The following PLXDC2 variants were observed in gnomAD, a reference collection of about 807,000 sequenced individuals.
PLXDC2 encodes the protein plexin domain containing 2.
In PLXDC2, 40 loss-of-function variants were observed where a neutral mutation model predicts 68.9. The observed-to-expected ratio is 0.58, with a 90% CI of 0.45 to 0.76. The LOEUF (loss-of-function observed/expected upper bound fraction) is 0.76, where lower values mean the gene tolerates loss of function less well. Among genes scored for constraint, PLXDC2 ranks in the 30% least tolerant of loss-of-function variants. The pLI, the probability that PLXDC2 is intolerant of heterozygous loss-of-function variation, is 0.00. For synonymous variants in PLXDC2, 243 were observed against 234.2 expected (o/e 1.04, Z -0.34); for missense variants, 644 against 661.9 (o/e 0.97, Z 0.30).
chr10:20,260,860 A>G (rs1835801012), intron 13 of PLXDC2, among the ~76,000 whole-genome samples: 2 of 152,206 alleles, frequency 1.3e-5, no homozygotes, highest in Non-Finnish European at 2.9e-5. Context: ...AACACTTGTT[A>G]TCTCTTGTCT....
At chr10:20,090,471 C>A (rs1460564960) in intron 4 of PLXDC2, among the ~76,000 whole-genome samples, 1 of 151,956 alleles carries the variant, frequency 6.6e-6, no homozygotes, top group Non-Finnish European at 1.5e-5. Context: ...TTTTTTTACC[C>A]CCATGCCCTG....
chr10:19,872,062 C>G (rs147345576), intron 1 of PLXDC2, among the ~76,000 whole-genome samples: 233 of 152,188 alleles, frequency 1.5e-3, no homozygotes, highest in Middle Eastern at 3.4e-3. Flanking sequence ...ATGAAAGGCA[C>G]CTTTTCAGGG....
In PLXDC2 at chr10:20,284,992, CCAT is replaced by C. The variant is rs1836133431; in HGVS notation, c.*5175_*5177del. 6.6e-6 allele frequency: 1 copy of C among 152,110 alleles called. No homozygotes were observed. Among genetic ancestry groups the C allele is most frequent in the African/African-American group, 2.4e-5 (1 of 41,416 alleles). The allele number at this position is 152,110 out of a possible 1,614,324, so 9.4% of individuals were successfully genotyped here. On this transcript the variant is annotated 3_prime_UTR_variant, in exon 14 of 14. Coordinates refer to ENST00000377252, the MANE Select transcript of PLXDC2 (RefSeq NM_032812.9). ...TCTCCACCCCTGCCCCCATCTGTGGCCATCTAAGTTAGCAATACAATTTATTTT... is the reference window on the plus strand; with the variant it reads ...TCTCCACCCCTGCCCCCATCTGTGGCCTAAGTTAGCAATACAATTTATTTT...
At chr10:20,253,768 C>G (rs1003908032) in intron 13 of PLXDC2, among the ~76,000 whole-genome samples, 1 of 152,120 alleles carries the variant, frequency 6.6e-6, no homozygotes, top group African/African-American at 2.4e-5. Context: ...GTATTATTCT[C>G]TTTAATACAG....
At chr10:19,860,824 A>C (rs1371427247) in intron 1 of PLXDC2, among the ~76,000 whole-genome samples, 1 of 152,144 alleles carries the variant, frequency 6.6e-6, no homozygotes, top group African/African-American at 2.4e-5. Flanking sequence ...GTATGTACAT[A>C]GTCTTCAGTA....
chr10:19,978,030 C>G (rs1834487960), intron 1 of PLXDC2, among the ~76,000 whole-genome samples: 1 of 152,168 alleles, frequency 6.6e-6, no homozygotes, highest in Non-Finnish European at 1.5e-5. Context: ...CTTAATCCTC[C>G]TAAATTTCCT....
At chr10:20,071,781 G>C (rs1836319626) in intron 4 of PLXDC2, among the ~76,000 whole-genome samples, 1 of 152,202 alleles carries the variant, frequency 6.6e-6, no homozygotes, top group African/African-American at 2.4e-5. Flanking sequence ...GATCATGCTT[G>C]TTGGGCCAGT....
chr10:19,858,713 T>A (rs1325498967), intron 1 of PLXDC2, among the ~76,000 whole-genome samples: 2 of 151,950 alleles, frequency 1.3e-5, no homozygotes, highest in East Asian at 3.9e-4. Flanking sequence ...GTATTTGCAT[T>A]GTAGAGTGGT....
intron 1 of PLXDC2, among the ~76,000 whole-genome samples, chr10:19,934,761 A>G (rs1320407197): frequency 6.6e-6 from 1 of 152,222 alleles, no homozygotes; most frequent in Admixed American, 6.5e-5. Flanking sequence ...TTTGCGTTCT[A>G]GACTGTTTCT....
chr10:19,983,652 T>C (rs549812930), intron 1 of PLXDC2, among the ~76,000 whole-genome samples: 3 of 152,316 alleles, frequency 2.0e-5, no homozygotes, highest in South Asian at 2.1e-4. Context: ...CCCTCCTCTA[T>C]CTGGGTTCTT....
chr10:20,135,960 G>T (rs1169304638), intron 4 of PLXDC2, among the ~76,000 whole-genome samples: 3 of 152,088 alleles, frequency 2.0e-5, no homozygotes, highest in Non-Finnish European at 4.4e-5. Flanking sequence ...TGCTTCCTAA[G>T]AACTGATGGA....
chr10:20,098,357 A>G (rs111743570), intron 4 of PLXDC2, among the ~76,000 whole-genome samples: 16,191 of 145,394 alleles, frequency 0.11, 1,065 homozygotes, highest in African/African-American at 0.18. Context: ...GTGTGTGTGT[A>G]TGTGTGTGTG....
chr10:19,819,671 C>T (rs1836427955), intron 1 of PLXDC2, among the ~76,000 whole-genome samples: 1 of 152,148 alleles, frequency 6.6e-6, no homozygotes. Flanking sequence ...TCTATTATTC[C>T]CTTTTCTGTT....
At chr10:19,933,174 G>A (rs902469160) in intron 1 of PLXDC2, among the ~76,000 whole-genome samples, 3 of 151,740 alleles carry the variant, frequency 2.0e-5, no homozygotes, top group South Asian at 2.1e-4. Flanking sequence ...AAGGTTCTAC[G>A]TCAGCAAAAT....
rs573112099 is a variant in PLXDC2 at position 19,872,937 on chromosome 10, G to A, written c.112+55746G>A. The stretch of plus-strand genomic sequence containing the variant: ...AGTCTGGACTGTTTGGTTCACTCCC[G>A]TTTTCCACATATCTAATCTTTATGC... On this transcript the variant is annotated intron_variant, in intron 1 of 13. Transcript: ENST00000377252. 3.9e-5 allele frequency among the ~76,000 whole-genome samples: 6 copies of A among 152,218 alleles called. 1 individual carries two copies. The highest frequency in any genetic ancestry group is 3.9e-4 in the East Asian group (2 of 5,180).
intron 1 of PLXDC2, among the ~76,000 whole-genome samples, chr10:19,857,658 A>G (rs976639495): frequency 2.0e-5 from 3 of 152,194 alleles, no homozygotes; most frequent in Non-Finnish European, 4.4e-5. Context: ...GAAGAAGCAA[A>G]TTGCATCATG....
chr10:20,172,327 T>C (rs2358863), intron 7 of PLXDC2, among the ~76,000 whole-genome samples: 140,798 of 151,730 alleles, frequency 0.93, 65,411 homozygotes, highest in Non-Finnish European at 0.95. Flanking sequence ...GGAGGCATGT[T>C]CCCCTGCAAA....
intron 4 of PLXDC2, among the ~76,000 whole-genome samples, chr10:20,095,307 T>A (rs1220477436): frequency 6.6e-6 from 1 of 152,128 alleles, no homozygotes; most frequent in Non-Finnish European, 1.5e-5. Flanking sequence ...ACAGTACAGG[T>A]CTACAGGCTT....
rs1836080320 is a variant in PLXDC2 at position 20,281,394 on chromosome 10, T to C, written c.*1575T>C. The C allele has an allele frequency of 6.6e-6, 1 of 152,152 alleles. No homozygotes were observed. The highest frequency in any genetic ancestry group is 1.5e-5 in the Non-Finnish European group (1 of 68,020). The allele number at this position is 152,152 out of a possible 1,614,324, so 9.4% of individuals were successfully genotyped here. ...TTTTACACTCTGTGCCAAGAAACTG[T>C]TGGCTTTTGTAAGGTACAGTGCTCA... On this transcript the variant is annotated 3_prime_UTR_variant, in exon 14 of 14. Transcript: ENST00000377252.
Sources: allele counts gnomAD v4.1 joint callset (sites outside exome capture counted in the v4.1 genomes callset), GRCh38; gene constraint gnomAD v4.1.1; transcripts MANE v1.5; gene names NCBI Gene and HGNC (gene_info 2026-07-23, HGNC 2026-07-21).